The following ERG variants were observed in gnomAD, a reference collection of about 807,000 sequenced individuals.
The protein encoded by ERG is ETS transcription factor ERG, also known as transcriptional regulator ERG.
Under a neutral mutation model 55.3 loss-of-function variants are expected in ERG, and 9 were observed. That is an observed-to-expected ratio of 0.16 (90% CI 0.10 to 0.28). The LOEUF (loss-of-function observed/expected upper bound fraction) is 0.28, where lower values mean the gene tolerates loss of function less well. ERG is among the 10% of genes least tolerant of loss of function. The pLI, the probability that ERG is intolerant of heterozygous loss-of-function variation, is 1.00. For missense variants in ERG, 434 were observed against 631.6 expected, an observed-to-expected ratio of 0.69 and a Z score of 3.35; for synonymous variants, 223 against 237.3, an observed-to-expected ratio of 0.94 and a Z score of 0.55.
upstream of ERG, among the ~76,000 whole-genome samples, chr21:38,502,272 T>G (rs1187632657): frequency 6.6e-6 from 1 of 152,254 alleles, no homozygotes; most frequent in African/African-American, 2.4e-5. Context: ...AAAACTGCTC[T>G]GATATTTTAC....
intron 3 of ERG, among the ~76,000 whole-genome samples, chr21:38,423,174 T>C (rs1989626644): frequency 6.6e-6 from 1 of 152,076 alleles, no homozygotes; most frequent in Admixed American, 6.6e-5. Context: ...TACTGCTGTC[T>C]CACATATTTT....
chr21:38,524,860 T>A (rs1404939735), intron 2 of ERG, among the ~76,000 whole-genome samples: 3 of 152,212 alleles, frequency 2.0e-5, no homozygotes, highest in Admixed American at 1.3e-4. Flanking sequence ...TCCTGAGCAT[T>A]GGTGAGCAAA....
chr21:38,383,208 ATCC>A lies in ERG; in HGVS notation c.*192_*194del, dbSNP rs1397548480. 1 of 1,289,520 alleles carries A rather than the reference ATCC, an allele frequency of 7.8e-7. No individual in the cohort carries two copies. The highest frequency in any genetic ancestry group is 9.8e-7 in the Non-Finnish European group (1 of 1,020,872). The allele number at this position is 1,289,520 out of a possible 1,614,324, so 79.9% of individuals were successfully genotyped here. A position where few individuals can be genotyped will look rare whatever the true frequency, so the allele number is the denominator to read the frequency against. On this transcript the variant is annotated 3_prime_UTR_variant, in exon 10 of 10. Coordinates refer to ENST00000288319, the MANE Select transcript of ERG (RefSeq NM_182918.4). This position sits in a 1 kb window ranked among gnomAD's most constrained non-coding sequence, Gnocchi z 5.7. Reference sequence around the variant, plus strand: ...TGTCCATATTCGTGACATTTTTAGCATCCTCCTCATTTCTGTAGTAAGACTTCA... The same window carrying A: ...TGTCCATATTCGTGACATTTTTAGCATCCTCATTTCTGTAGTAAGACTTCA...
chr21:38,435,272 T>C (rs1990395338), intron 2 of ERG, among the ~76,000 whole-genome samples: 1 of 152,122 alleles, frequency 6.6e-6, no homozygotes, highest in Non-Finnish European at 1.5e-5. Context: ...TCAAGTTTCA[T>C]AGTGTGAATC....
At position 38,403,497 on chromosome 21, in the gene ERG, G is replaced by A. The variant is rs762223591; in HGVS notation, c.592+9C>T. 2.5e-6 allele frequency: 4 copies of A among 1,613,384 alleles called. No homozygotes were observed. The South Asian group carries it at 3.3e-5, about 13-fold the overall frequency. The stretch of plus-strand genomic sequence containing the variant: ...CAGCCATCTATCCTTGGAGGAAGGG[G>A]GAGCTTACTCTCTCTGAGGTAGTGG... On this transcript the variant is annotated intron_variant, in intron 4 of 9. Transcript: ENST00000288319.
rs34803336 is a variant in ERG, at chr21:38,420,303, CGTGT to C, written c.388+3103_388+3106del. The stretch of plus-strand genomic sequence containing the variant: ...TGCAATGAAGCTGTGTGTGTGTGTG[CGTGT>C]GTGTGTGTGTGTGTTCATCTCTGTG... On this transcript the variant is annotated intron_variant, in intron 3 of 9. Transcript: ENST00000288319. 4.5e-4 allele frequency among the ~76,000 whole-genome samples: 67 copies of C among 148,656 alleles called. 3 individuals are homozygous for C. Among genetic ancestry groups the C allele is most frequent in the African/African-American group, 1.0e-3 (40 of 40,064 alleles).
rs114820748 is a variant in ERG at position 38,511,610 on chromosome 21, G to A, written c.-41+64052C>T. Among the ~76,000 whole-genome samples, 1,124 of 152,240 alleles carry A rather than the reference G, an allele frequency of 7.4e-3. 16 individuals are homozygous for A. The highest frequency in any genetic ancestry group is 0.026 in the African/African-American group (1,089 of 41,542). On this transcript the variant is annotated intron_variant, in intron 2 of 8. Coordinates refer to the ERG transcript ENST00000398897. ...ACAATTCTGCCAATGAAAATTCACC[G>A]TAATACTTTCTAATCAATCAATTTT...
chr21:38,602,606 A>G (rs1230580694), intron 1 of ERG, among the ~76,000 whole-genome samples: 1 of 152,076 alleles, frequency 6.6e-6, no homozygotes, highest in African/African-American at 2.4e-5. Flanking sequence ...ATCCTCCCTC[A>G]TCATTAAAAA....
At chr21:38,482,558 G>A (rs867194879) in intron 1 of ERG, among the ~76,000 whole-genome samples, 3 of 152,036 alleles carry the variant, frequency 2.0e-5, no homozygotes, top group South Asian at 2.1e-4. Context: ...AAAGATACCC[G>A]CAGTGCCATA....
chr21:38,549,261 T>A (rs1338698530), intron 2 of ERG, among the ~76,000 whole-genome samples: 1 of 152,114 alleles, frequency 6.6e-6, no homozygotes, highest in African/African-American at 2.4e-5. Flanking sequence ...GGGTGATAAA[T>A]CATCATACTA....
chr21:38,581,859 C>T (rs529649586), intron 1 of ERG, among the ~76,000 whole-genome samples: 7 of 151,960 alleles, frequency 4.6e-5, no homozygotes, highest in African/African-American at 9.7e-5. Flanking sequence ...CTGGTTAACA[C>T]GGTGAAACCC....
intron 2 of ERG, among the ~76,000 whole-genome samples, chr21:38,552,298 A>T (rs189489208): frequency 2.0e-5 from 3 of 152,306 alleles, no homozygotes; most frequent in Non-Finnish European, 2.9e-5. Context: ...ATTACAAAAG[A>T]TTTAGGAGGA....
intron 2 of ERG, among the ~76,000 whole-genome samples, chr21:38,554,983 A>G (rs2059849117): frequency 6.6e-6 from 1 of 152,184 alleles, no homozygotes; most frequent in Non-Finnish European, 1.5e-5. Context: ...AGCCTCTGTC[A>G]GGATGAACTA....
intron 1 of ERG, among the ~76,000 whole-genome samples, chr21:38,633,251 G>T (rs183763371): frequency 3.9e-5 from 6 of 152,300 alleles, no homozygotes; most frequent in Admixed American, 3.3e-4. Context: ...GTTATTGTTT[G>T]CTGAGTGTAG....
At chr21:38,567,589 G>C (rs1441085163) in intron 2 of ERG, among the ~76,000 whole-genome samples, 1 of 152,110 alleles carries the variant, frequency 6.6e-6, no homozygotes, top group African/African-American at 2.4e-5. Flanking sequence ...GGGGGCGGGG[G>C]AACTCTGTCT....
chr21:38,411,369 G>A (rs1248386781), intron 3 of ERG, among the ~76,000 whole-genome samples: 2 of 152,110 alleles, frequency 1.3e-5, no homozygotes, highest in African/African-American at 4.8e-5. Context: ...CTAGGCTGGA[G>A]AGCAGTGGCA....
intron 1 of ERG, among the ~76,000 whole-genome samples, chr21:38,610,321 G>A (rs1475229204): frequency 6.6e-6 from 1 of 152,188 alleles, no homozygotes; most frequent in Non-Finnish European, 1.5e-5. Flanking sequence ...CAAGGGTGGT[G>A]GATGAAACAC....
chr21:38,455,904 G>C (rs2058984885), intron 1 of ERG, among the ~76,000 whole-genome samples: 1 of 147,478 alleles, frequency 6.8e-6, no homozygotes, highest in Admixed American at 6.9e-5. Context: ...GTCACACCAG[G>C]TTCAACATGC....
chr21:38,398,478 G>A (rs946224885), intron 6 of ERG, among the ~76,000 whole-genome samples: 8 of 152,250 alleles, frequency 5.3e-5, no homozygotes, highest in South Asian at 4.2e-4. Context: ...AAACTGAGTC[G>A]CGAAAACATA....
Sources: gnomAD v4.1 joint callset for allele counts (sites outside exome capture counted in the v4.1 genomes callset) on GRCh38, gnomAD v4.1.1 for gene constraint, Gnocchi (gnomAD v3.1) non-coding constraint, MANE v1.5 for transcripts, NCBI Gene and HGNC (gene_info 2026-07-23, HGNC 2026-07-21) for gene names.